The following PRIM2 variants were observed in gnomAD, a reference collection of about 807,000 sequenced individuals.
PRIM2 encodes DNA primase subunit 2, also known as DNA primase large subunit.
A neutral mutation model predicts 67.3 loss-of-function variants in PRIM2; 39 were observed. The ratio of observed to expected loss-of-function variants is 0.58; its 90% CI spans 0.45 to 0.76. The LOEUF (loss-of-function observed/expected upper bound fraction) is 0.76. Among genes scored for constraint, PRIM2 ranks in the 30% least tolerant of loss-of-function variants. The pLI is 0.00. For missense variants in PRIM2, 398 were observed against 598.7 expected (o/e 0.66, Z 3.50); for synonymous variants, 143 against 198.7 (o/e 0.72, Z 2.36).
chr6:57,392,540 T>C (rs963350028), intron 7 of PRIM2, among the ~76,000 whole-genome samples: 2 of 151,834 alleles, frequency 1.3e-5, no homozygotes, highest in Admixed American at 6.6e-5. Context: ...AAAAATTAGG[T>C]CTCAAATAAA....
chr6:57,432,223 G>C (rs1209027513), intron 7 of PRIM2, among the ~76,000 whole-genome samples: 5 of 152,070 alleles, frequency 3.3e-5, no homozygotes, highest in Non-Finnish European at 4.4e-5. Flanking sequence ...TCCATTTTTG[G>C]GGGGGGTTGG....
intron 7 of PRIM2, among the ~76,000 whole-genome samples, chr6:57,468,764 A>G (rs1275084088): frequency 1.6e-4 from 24 of 152,234 alleles, no homozygotes; most frequent in African/African-American, 5.5e-4. Context: ...TGACTAATAT[A>G]TACAGCCCAT....
At chr6:57,338,974 ATCT>A (rs1353868340) in intron 5 of PRIM2, among the ~76,000 whole-genome samples, 2 of 152,248 alleles carry the variant, frequency 1.3e-5, no homozygotes, top group African/African-American at 2.4e-5. Context: ...TCAGCCCAAA[ATCT>A]TCTTAAGCTG....
intron 7 of PRIM2, among the ~76,000 whole-genome samples, chr6:57,415,010 A>G (rs547290817): frequency 2.0e-5 from 3 of 152,200 alleles, no homozygotes; most frequent in African/African-American, 7.2e-5. Context: ...TGCTTTCTAC[A>G]TATGAGGTAT....
chr6:57,274,332 T>C, the PRIM2 span, among the ~76,000 whole-genome samples: 1 of 151,338 alleles, frequency 6.6e-6, no homozygotes, highest in Non-Finnish European at 1.5e-5. Context: ...CAATGGCGGG[T>C]GCCCCTCCCC....
At chr6:57,497,232 A>G (rs1774025137) in intron 7 of PRIM2, among the ~76,000 whole-genome samples, 1 of 152,180 alleles carries the variant, frequency 6.6e-6, no homozygotes, top group Non-Finnish European at 1.5e-5. Flanking sequence ...ACCCTCCTTG[A>G]ATGTTCCAGG....
At chr6:57,300,340 G>A in the PRIM2 span, among the ~76,000 whole-genome samples, 5 of 152,184 alleles carry the variant, frequency 3.3e-5, no homozygotes, top group African/African-American at 4.8e-5. Flanking sequence ...TCCTCTGCAT[G>A]AGAGCAGATC....
intron 5 of PRIM2, among the ~76,000 whole-genome samples, chr6:57,358,220 T>A (rs562664869): frequency 6.6e-6 from 1 of 152,356 alleles, no homozygotes; most frequent in South Asian, 2.1e-4. Context: ...AGCAATAGTG[T>A]GCAGTTAGCA....
the PRIM2 span, among the ~76,000 whole-genome samples, chr6:57,276,740 T>C: frequency 6.7e-6 from 1 of 150,074 alleles, no homozygotes; most frequent in East Asian, 2.0e-4. Flanking sequence ...AAAAAGAAAA[T>C]AGAAAAAAAT....
At chr6:57,542,637 TC>T (rs1223492492) in intron 10 of PRIM2, among the ~76,000 whole-genome samples, 2 of 152,108 alleles carry the variant, frequency 1.3e-5, no homozygotes, top group African/African-American at 4.8e-5. Flanking sequence ...TAACATATAG[TC>T]TATATTTTTA....
chr6:57,437,812 G>A (rs1772063649), intron 7 of PRIM2, among the ~76,000 whole-genome samples: 1 of 151,986 alleles, frequency 6.6e-6, no homozygotes, highest in Non-Finnish European at 1.5e-5. Flanking sequence ...CGAAAGGCAG[G>A]TAGCACCACG....
At chr6:57,278,630 G>A in the PRIM2 span, among the ~76,000 whole-genome samples, 3 of 152,108 alleles carry the variant, frequency 2.0e-5, no homozygotes, top group South Asian at 6.2e-4. Flanking sequence ...CATTCTGAGA[G>A]ACACAATATA....
intron 7 of PRIM2, among the ~76,000 whole-genome samples, chr6:57,462,340 T>C (rs1773036032): frequency 6.7e-6 from 1 of 150,268 alleles, no homozygotes; most frequent in South Asian, 2.1e-4. Context: ...TTCAGTTTTA[T>C]GCATTTGAAT....
the PRIM2 span, among the ~76,000 whole-genome samples, chr6:57,263,691 C>A: frequency 6.6e-6 from 1 of 152,182 alleles, no homozygotes; most frequent in South Asian, 2.1e-4. Flanking sequence ...CAACACCCTG[C>A]AATAAGATTT....
chr6:57,513,632 G>A (rs1365746741), intron 8 of PRIM2, among the ~76,000 whole-genome samples: 3 of 152,176 alleles, frequency 2.0e-5, no homozygotes, highest in Admixed American at 6.5e-5. Flanking sequence ...GGTGGCTTAC[G>A]CCTGTAAACC....
chr6:57,535,028 C>T (rs2127469266), intron 9 of PRIM2, among the ~76,000 whole-genome samples: 1 of 152,252 alleles, frequency 6.6e-6, no homozygotes, highest in African/African-American at 2.4e-5. Context: ...TAAAAATAAG[C>T]TCTTCGAGGA....
chr6:57,461,316 A>C (rs1772995823), intron 7 of PRIM2, among the ~76,000 whole-genome samples: 1 of 152,158 alleles, frequency 6.6e-6, no homozygotes, highest in Admixed American at 6.5e-5. Context: ...ATCTGCTCTC[A>C]CATGCTCCTT....
intron 5 of PRIM2, among the ~76,000 whole-genome samples, chr6:57,332,640 G>T (rs1321267679): frequency 1.3e-5 from 2 of 151,848 alleles, no homozygotes; most frequent in African/African-American, 4.8e-5. Flanking sequence ...ACATTTTTTT[G>T]TTGTTGTTTT....
At chr6:57,615,420 CAAAAA>C (rs1159988256) in intron 12 of PRIM2, among the ~76,000 whole-genome samples, 2 of 107,356 alleles carry the variant, frequency 1.9e-5, no homozygotes. Context: ...GATTCTGTCT[CAAAAA>C]AAAAAAAAAA....
Sources: allele counts gnomAD v4.1 joint callset (sites outside exome capture counted in the v4.1 genomes callset), GRCh38; gene constraint gnomAD v4.1.1; transcripts MANE v1.5; gene names NCBI Gene and HGNC (gene_info 2026-07-23, HGNC 2026-07-21).